The following MGST1 variants were observed in gnomAD, a reference collection of about 807,000 sequenced individuals.
MGST1 encodes microsomal glutathione S-transferase 1, also known as glutathione S-transferase 12.
A neutral mutation model predicts 8.9 loss-of-function variants in MGST1; 5 were observed. The ratio of observed to expected loss-of-function variants is 0.56; its 90% CI spans 0.29 to 1.19. MGST1 has a LOEUF of 1.19. Ranked by LOEUF, MGST1 falls within the 50% of genes most tolerant of loss-of-function variation. MGST1 has a pLI of 0.08. For synonymous variants in MGST1, 54 were observed against 67.8 expected, an observed-to-expected ratio of 0.80 and a Z score of 1.00; for missense variants, 182 against 187.4, an observed-to-expected ratio of 0.97 and a Z score of 0.17.
intron 4 of MGST1, among the ~76,000 whole-genome samples, chr12:16,534,340 C>A (rs1941741427): frequency 6.6e-6 from 1 of 152,146 alleles, no homozygotes; most frequent in South Asian, 2.1e-4. Flanking sequence ...AATTCTTTGG[C>A]AATACTATCT....
At chr12:16,412,781 T>G (rs1940753529) in intron 1 of MGST1, among the ~76,000 whole-genome samples, 1 of 152,214 alleles carries the variant, frequency 6.6e-6, no homozygotes, top group Admixed American at 6.5e-5. Flanking sequence ...CCCAACCATG[T>G]GGAACTGTAA....
downstream of MGST1, among the ~76,000 whole-genome samples, chr12:16,442,387 G>T (rs542874058): frequency 6.6e-6 from 1 of 151,706 alleles, no homozygotes; most frequent in African/African-American, 2.4e-5. This position sits in a 1 kb window ranked among gnomAD's most constrained non-coding sequence, Gnocchi z 4.5. Context: ...ATGTCATCAC[G>T]ATACCCAAGG....
Position 16,560,736 on chromosome 12 carries a change from A to C in MGST1, n.483-28792A>C. ...CCGTTGACCTTCCTTGATGAAAATC[A>C]CATCTTGTTTGAGAAGAAAAGGAAA... On this transcript the variant is annotated intron_variant and non_coding_transcript_variant, in intron 4 of 4. Transcript: ENST00000538857. This position sits in a 1 kb window ranked among gnomAD's most constrained non-coding sequence, Gnocchi z 5.0. The C allele has an allele frequency of 1.6e-6, 1 of 607,730 alleles. No homozygotes were observed. Among genetic ancestry groups the C allele is most frequent in the Admixed American group, 2.5e-5 (1 of 39,604 alleles). 37.6% of individuals were successfully genotyped at this position (607,730 alleles called of 1,614,324 possible).
chr12:16,479,981 G>A (rs1941353859), intron 4 of MGST1, among the ~76,000 whole-genome samples: 1 of 152,084 alleles, frequency 6.6e-6, no homozygotes, highest in Non-Finnish European at 1.5e-5. Context: ...GGATCATAAA[G>A]TAAATATGAG....
downstream of MGST1, among the ~76,000 whole-genome samples, chr12:16,591,544 G>GC (rs1185229672): frequency 7.2e-4 from 3 of 4,158 alleles, no homozygotes; most frequent in Non-Finnish European, 0.027. This position sits in a 1 kb window ranked among gnomAD's most constrained non-coding sequence, Gnocchi z 4.1. Flanking sequence ...TTTATTTAGT[G>GC]CTTATGTCAA....
chr12:16,470,163 A>G (rs1272070516), intron 4 of MGST1, among the ~76,000 whole-genome samples: 2 of 152,236 alleles, frequency 1.3e-5, no homozygotes, highest in African/African-American at 4.8e-5. Context: ...TAGTACAAAA[A>G]TAAATATTTG....
At chr12:16,380,780 G>C (rs1329293927), downstream of MGST1, among the ~76,000 whole-genome samples, 3 of 152,164 alleles carry the variant, frequency 2.0e-5, no homozygotes, top group Admixed American at 6.5e-5. Flanking sequence ...GGGAGTCTAA[G>C]TCTCTTTGTA....
rs1943186129 is a variant in MGST1 at position 16,582,297 on chromosome 12, G to A, written n.483-7231G>A. ...GAATTAGATTGAGATATGTCCTGGT[G>A]TTCATTCTCTGAATTCTAGAAAACA... On this transcript the variant is annotated intron_variant and non_coding_transcript_variant, in intron 4 of 4. Coordinates refer to the MGST1 transcript ENST00000538857. This position sits in a 1 kb window ranked among gnomAD's most constrained non-coding sequence, Gnocchi z 4.1. Among the ~76,000 whole-genome samples the A allele has an allele frequency of 6.6e-6, 1 of 152,146 alleles. No individual in the cohort carries two copies.
In MGST1 at chr12:16,585,374, T is replaced by C. The variant is rs1292752381; in HGVS notation, n.483-4154T>C. ...AGTGGATTAACTTTATGTTAAACAATCACTTGGCCACAAAGATTAATATTA... is the reference window on the plus strand; with the variant it reads ...AGTGGATTAACTTTATGTTAAACAACCACTTGGCCACAAAGATTAATATTA... On this transcript the variant is annotated intron_variant and non_coding_transcript_variant, in intron 4 of 4. Coordinates refer to the MGST1 transcript ENST00000538857. This position sits in a 1 kb window ranked among gnomAD's most constrained non-coding sequence, Gnocchi z 4.7. Among the ~76,000 whole-genome samples the C allele has an allele frequency of 2.0e-5, 3 of 152,178 alleles. No homozygotes were observed. Among genetic ancestry groups the C allele is most frequent in the African/African-American group, 7.2e-5 (3 of 41,448 alleles).
intron 1 of MGST1, among the ~76,000 whole-genome samples, chr12:16,392,650 T>C (rs894196958): frequency 2.0e-5 from 3 of 152,172 alleles, no homozygotes; most frequent in African/African-American, 4.8e-5. Context: ...TATAGTCTTA[T>C]AGTCATTTTG....
chr12:16,463,610 G>A (rs1248194370), intron 4 of MGST1, among the ~76,000 whole-genome samples: 6 of 150,872 alleles, frequency 4.0e-5, no homozygotes, highest in Non-Finnish European at 5.9e-5. Context: ...AGAAAAGGAA[G>A]AAAAAAAAAG....
In MGST1 at chr12:16,414,802, C is replaced by G. The variant is rs1037792523; in HGVS notation, n.779-22586C>G. Among the ~76,000 whole-genome samples, 6 of 152,228 alleles carry G rather than the reference C, an allele frequency of 3.9e-5. No individual in the cohort carries two copies. The South Asian group carries it at 6.2e-4, about 16-fold the overall frequency. ...CTTTGGGAGGGCGAGGCTGGCAGAT[C>G]ACTTGAGGTCAGGAGTTTGAGACCA... is the stretch of plus-strand genomic sequence containing the variant. On this transcript the variant is annotated intron_variant and non_coding_transcript_variant, in intron 1 of 1. Transcript: ENST00000359720.
chr12:16,502,555 C>A (rs939172073), intron 4 of MGST1, among the ~76,000 whole-genome samples: 1 of 152,060 alleles, frequency 6.6e-6, no homozygotes, highest in African/African-American at 2.4e-5. Flanking sequence ...AAGCCTCATG[C>A]AACTAAAAAC....
chr12:16,531,439 A>G (rs983422893), intron 4 of MGST1, among the ~76,000 whole-genome samples: 2 of 152,112 alleles, frequency 1.3e-5, no homozygotes, highest in African/African-American at 4.8e-5. Flanking sequence ...AGAAGAAAAA[A>G]TAAGGTTGAG....
At chr12:16,543,505 T>C (rs1387838482) in intron 4 of MGST1, among the ~76,000 whole-genome samples, 1 of 152,082 alleles carries the variant, frequency 6.6e-6, no homozygotes, top group African/African-American at 2.4e-5. Context: ...GCTCATCCAA[T>C]GCAGATTAGC....
downstream of MGST1, among the ~76,000 whole-genome samples, chr12:16,368,038 G>C (rs930463311): frequency 1.3e-5 from 2 of 151,408 alleles, no homozygotes; most frequent in African/African-American, 4.9e-5. Flanking sequence ...TCTATGCTGA[G>C]TTTAGCTAGG....
intron 1 of MGST1, among the ~76,000 whole-genome samples, chr12:16,430,511 A>T (rs920541208): frequency 1.3e-5 from 2 of 152,178 alleles, no homozygotes; most frequent in African/African-American, 2.4e-5. Flanking sequence ...TGCAGAATGG[A>T]TATTGTGTTA....
chr12:16,382,155 G>A (rs1940462552), downstream of MGST1, among the ~76,000 whole-genome samples: 1 of 152,118 alleles, frequency 6.6e-6, no homozygotes, highest in African/African-American at 2.4e-5. Flanking sequence ...GTCATTCTCT[G>A]TCCCGCTTTG....
intron 4 of MGST1, among the ~76,000 whole-genome samples, chr12:16,447,895 A>C (rs957829335): frequency 3.3e-5 from 5 of 151,962 alleles, no homozygotes; most frequent in Admixed American, 1.3e-4. Flanking sequence ...TGGTAACTGC[A>C]TCAGGGTTGG....
Sources: gnomAD v4.1 joint callset for allele counts (sites outside exome capture counted in the v4.1 genomes callset) on GRCh38, gnomAD v4.1.1 for gene constraint, Gnocchi (gnomAD v3.1) non-coding constraint, MANE v1.5 for transcripts, NCBI Gene and HGNC (gene_info 2026-07-23, HGNC 2026-07-21) for gene names.